Variants in DPP10 observed in about 807,000 individuals in gnomAD.
The protein encoded by DPP10 is dipeptidyl peptidase like 10, also known as inactive dipeptidyl peptidase 10.
In DPP10, 33 loss-of-function variants were observed where a neutral mutation model predicts 120.9. The ratio of observed to expected loss-of-function variants is 0.27; its 90% CI spans 0.21 to 0.37. The LOEUF is 0.37. DPP10 is among the 10% of genes least tolerant of loss of function. DPP10 has a pLI of 1.00. For missense variants in DPP10, 816 were observed against 942.8 expected, an observed-to-expected ratio of 0.87 and a Z score of 1.76; for synonymous variants, 337 against 326.1, an observed-to-expected ratio of 1.03 and a Z score of -0.36.
intron 1 of DPP10, among the ~76,000 whole-genome samples, chr2:114,485,227 T>C (rs1052193520): frequency 6.6e-6 from 1 of 152,150 alleles, no homozygotes; most frequent in Non-Finnish European, 1.5e-5. Flanking sequence ...TTATAGTTCT[T>C]TCTTACTCAC....
At chr2:115,710,008 A>G (rs2092265591) in intron 7 of DPP10, among the ~76,000 whole-genome samples, 1 of 152,140 alleles carries the variant, frequency 6.6e-6, no homozygotes, top group South Asian at 2.1e-4. Flanking sequence ...AAAACTAAAG[A>G]TAAAGAGAAA....
chr2:114,810,169 C>T lies in DPP10; in HGVS notation c.60+367331C>T, dbSNP rs114298951. On this transcript the variant is annotated intron_variant, in intron 1 of 25. Coordinates refer to ENST00000410059, the MANE Select transcript of DPP10 (RefSeq NM_020868.6). ...TTACCAAGACTTAAATATTTTTCCA[C>T]CGTTTTACTTCTCGATCTGAACTCT... Among the ~76,000 whole-genome samples, 945 of 152,290 alleles carry T rather than the reference C, an allele frequency of 6.2e-3. 16 individuals are homozygous for T. The highest frequency in any genetic ancestry group is 0.02 in the African/African-American group (828 of 41,564).
intron 5 of DPP10, among the ~76,000 whole-genome samples, chr2:115,575,948 A>G (rs1177967389): frequency 6.6e-6 from 1 of 152,214 alleles, no homozygotes; most frequent in Non-Finnish European, 1.5e-5. Context: ...CCTCAGCCCT[A>G]CAACTACCTG....
chr2:115,191,924 T>C (rs1263473207), intron 1 of DPP10, among the ~76,000 whole-genome samples: 1 of 152,188 alleles, frequency 6.6e-6, no homozygotes, highest in Non-Finnish European at 1.5e-5. Flanking sequence ...TTGTTTCAAA[T>C]GTCGGGAGAT....
At position 115,679,502 on chromosome 2, in the gene DPP10, G is replaced by A. The variant is rs534247270; in HGVS notation, c.442-10185G>A. ...GAGGCCTTCCCAGCCATTTGGAACT[G>A]TGAGTCAATTAAACCTCTTTTCTTT... On this transcript the variant is annotated intron_variant, in intron 5 of 25. Coordinates refer to ENST00000410059, the MANE Select transcript of DPP10 (RefSeq NM_020868.6). Among the ~76,000 whole-genome samples, 13 of 152,266 alleles carry A rather than the reference G, an allele frequency of 8.5e-5. No homozygotes were observed. The East Asian group carries it at 2.5e-3, about 29-fold the overall frequency.
intron 5 of DPP10, among the ~76,000 whole-genome samples, chr2:115,674,285 T>C (rs2090113867): frequency 1.3e-5 from 2 of 150,680 alleles, no homozygotes; most frequent in South Asian, 4.2e-4. Context: ...GAAAGGAAAA[T>C]TTGGAGTCAT....
intron 1 of DPP10, chr2:115,162,026 C>CAGGTGAGAGTCGGCAGCCG: frequency 5.0e-6 from 7 of 1,400,818 alleles, no homozygotes; most frequent in Non-Finnish European, 5.5e-6. Context: ...GCCGGCGGAC[C>CAGGTGAGAGTCGGCAGCCG]AGGTGAGAGT....
chr2:115,419,286 T>C (rs2069718874), intron 3 of DPP10, among the ~76,000 whole-genome samples: 1 of 152,186 alleles, frequency 6.6e-6, no homozygotes, highest in South Asian at 2.1e-4. Context: ...CAGATGTCAG[T>C]GAAGCCTTGG....
At position 115,350,664 on chromosome 2, in the gene DPP10, A is replaced by G. The variant is rs567282740; in HGVS notation, c.271+6752A>G. 4.6e-5 allele frequency among the ~76,000 whole-genome samples: 7 copies of G among 152,222 alleles called. No homozygotes were observed. In the South Asian group the frequency reaches 1.4e-3, roughly 32 times the overall value. On this transcript the variant is annotated intron_variant, in intron 3 of 25. Coordinates refer to ENST00000410059, the MANE Select transcript of DPP10 (RefSeq NM_020868.6). ...AGAATGAGAATGTTCTTAGCACAGC[A>G]ATGACTATTAGACTTAAGAGGCATG...
At chr2:115,793,175 T>C (rs1272948062) in intron 19 of DPP10, among the ~76,000 whole-genome samples, 4 of 152,084 alleles carry the variant, frequency 2.6e-5, no homozygotes, top group African/African-American at 9.7e-5. Context: ...CACTTGGGGT[T>C]TTTTTTGAGA....
chr2:114,497,199 G>A (rs1682635886), intron 1 of DPP10, among the ~76,000 whole-genome samples: 3 of 145,558 alleles, frequency 2.1e-5, no homozygotes, highest in South Asian at 4.3e-4. Flanking sequence ...ACATGTGTAT[G>A]CATGTGTACA....
At chr2:114,505,873 A>G (rs1282604218) in intron 1 of DPP10, among the ~76,000 whole-genome samples, 1 of 152,224 alleles carries the variant, frequency 6.6e-6, no homozygotes, top group Non-Finnish European at 1.5e-5. Context: ...CATTGTGACG[A>G]GTTCATGCAT....
chr2:115,551,430 G>T (rs906583554), intron 5 of DPP10, among the ~76,000 whole-genome samples: 3 of 152,100 alleles, frequency 2.0e-5, no homozygotes, highest in African/African-American at 7.2e-5. Flanking sequence ...TATGGCTGTG[G>T]ATACAGCTGT....
Position 115,412,155 on chromosome 2 carries a change from C to A in DPP10, c.271+68243C>A, listed in dbSNP as rs189829989. On this transcript the variant is annotated intron_variant, in intron 3 of 25. Coordinates refer to ENST00000410059, the MANE Select transcript of DPP10 (RefSeq NM_020868.6). ...AACTTCCAGATTTAATTGCTAAGCA[C>A]ACATAATTGCACCTAAAACAGGTTG... Among the ~76,000 whole-genome samples, 508 of 152,190 alleles carry A rather than the reference C, an allele frequency of 3.3e-3. 3 individuals carry two copies. The highest frequency in any genetic ancestry group is 0.011 in the African/African-American group (443 of 41,538).
Position 115,302,082 on chromosome 2 carries a change from G to A in DPP10, c.61-7157G>A, listed in dbSNP as rs569902117. 8.5e-5 allele frequency among the ~76,000 whole-genome samples: 13 copies of A among 152,148 alleles called. No individual in the cohort carries two copies. The East Asian group carries it at 2.5e-3, about 30-fold the overall frequency. ...TACCATCATGGTGGAAGGCAAAGGG[G>A]AAGCAAATACATGTTACCATGGCGG... On this transcript the variant is annotated intron_variant, in intron 1 of 25. Coordinates refer to ENST00000410059, the MANE Select transcript of DPP10 (RefSeq NM_020868.6).
chr2:114,887,210 G>A (rs1471652874), intron 1 of DPP10, among the ~76,000 whole-genome samples: 2 of 152,070 alleles, frequency 1.3e-5, no homozygotes, highest in Admixed American at 1.3e-4. Flanking sequence ...TGGATATTGG[G>A]ATTTTAGGTT....
chr2:115,650,702 A>G (rs1417948621), intron 5 of DPP10, among the ~76,000 whole-genome samples: 1 of 151,940 alleles, frequency 6.6e-6, no homozygotes, highest in Admixed American at 6.6e-5. Context: ...CTCCATGAGT[A>G]TTTCCTAGTG....
At chr2:115,449,449 A>G (rs2072920215) in intron 3 of DPP10, among the ~76,000 whole-genome samples, 1 of 152,138 alleles carries the variant, frequency 6.6e-6, no homozygotes, top group South Asian at 2.1e-4. Context: ...TGGGGGGCCA[A>G]TATAATGTGG....
rs577130050 is a variant in DPP10 at position 115,479,775 on chromosome 2, G to C, written c.272-19735G>C. On this transcript the variant is annotated intron_variant, in intron 3 of 25. Transcript: ENST00000410059. Reference sequence around the variant, plus strand: ...AAGTCATCACTCCATATTTGCTGAGGTTCGAAGTTGGGTGTGCACCAGTCT... The same window carrying C: ...AAGTCATCACTCCATATTTGCTGAGCTTCGAAGTTGGGTGTGCACCAGTCT... 3.3e-5 allele frequency among the ~76,000 whole-genome samples: 5 copies of C among 152,140 alleles called. No individual in the cohort carries two copies. The South Asian group carries it at 1.0e-3, about 32-fold the overall frequency.
Sources: allele counts gnomAD v4.1 joint callset (sites outside exome capture counted in the v4.1 genomes callset), GRCh38; gene constraint gnomAD v4.1.1; transcripts MANE v1.5; gene names NCBI Gene and HGNC (gene_info 2026-07-23, HGNC 2026-07-21).